Variants in TENM2 observed in about 807,000 individuals in gnomAD.
TENM2 encodes the protein teneurin-2.
TENM2 carries 52 observed loss-of-function variants against 245.2 expected under a neutral mutation model. That is an observed-to-expected ratio of 0.21 (90% confidence interval 0.17 to 0.27). The LOEUF (loss-of-function observed/expected upper bound fraction) is 0.27, where lower values mean the gene tolerates loss of function less well. Ranked by LOEUF, TENM2 falls within the 10% of genes least tolerant of loss-of-function variation. The pLI is 1.00. For synonymous variants in TENM2, 1,363 were observed against 1,438.9 expected (o/e 0.95, Z 1.19); for missense variants, 3,046 against 3,666.8 (o/e 0.83, Z 4.37).
At chr5:167,770,077 T>C (rs1257109592) in intron 2 of TENM2, among the ~76,000 whole-genome samples, 3 of 152,180 alleles carry the variant, frequency 2.0e-5, no homozygotes, top group East Asian at 1.9e-4. Context: ...ACCTAACACA[T>C]TGCATCAGGA....
At chr5:167,748,699 G>A (rs1205532800) in intron 2 of TENM2, among the ~76,000 whole-genome samples, 1 of 152,086 alleles carries the variant, frequency 6.6e-6, no homozygotes, top group South Asian at 2.1e-4. Context: ...ATGACAGAAG[G>A]TGGAGCAGGC....
At chr5:167,250,631 C>A in the TENM2 span, among the ~76,000 whole-genome samples, 1 of 152,126 alleles carries the variant, frequency 6.6e-6, no homozygotes, top group Non-Finnish European at 1.5e-5. Context: ...CAAACTCTTG[C>A]TCTCTGATGT....
chr5:167,265,852 G>GA, the TENM2 span, among the ~76,000 whole-genome samples: 3 of 151,906 alleles, frequency 2.0e-5, no homozygotes, highest in East Asian at 5.8e-4. Flanking sequence ...CATATTTTTG[G>GA]AAAAAATATT....
intron 5 of TENM2, among the ~76,000 whole-genome samples, chr5:168,004,498 TGCACGCATGCGC>T (rs1404512699): frequency 5.3e-4 from 56 of 106,350 alleles, no homozygotes; most frequent in African/African-American, 2.0e-3. Flanking sequence ...CCATTTGGGA[TGCACGCATGCGC>T]GCGCGCGCAC....
exon 22 of TENM2, chr5:168,216,838 T>C: frequency 1.2e-6 from 2 of 1,613,996 alleles, no homozygotes; most frequent in Middle Eastern, 1.6e-4. Context: ...TTGACCAGAA[T>C]GGAATCATCT....
the TENM2 span, among the ~76,000 whole-genome samples, chr5:167,035,593 T>C: frequency 6.6e-6 from 1 of 152,190 alleles, no homozygotes; most frequent in Non-Finnish European, 1.5e-5. Flanking sequence ...TCAGTGACCA[T>C]ATATTGAGAG....
At chr5:167,358,832 CA>C (rs1759514300) in intron 1 of TENM2, among the ~76,000 whole-genome samples, 1 of 148,676 alleles carries the variant, frequency 6.7e-6, no homozygotes, top group African/African-American at 2.5e-5. Flanking sequence ...CACACACACA[CA>C]CACACACACA....
chr5:167,817,578 G>A (rs747464041), intron 2 of TENM2, among the ~76,000 whole-genome samples: 8 of 152,098 alleles, frequency 5.3e-5, no homozygotes, highest in Non-Finnish European at 1.0e-4. Flanking sequence ...TTAACAAACT[G>A]TGAAAAGTAG....
chr5:167,052,578 T>C, the TENM2 span, among the ~76,000 whole-genome samples: 13 of 152,148 alleles, frequency 8.5e-5, no homozygotes, highest in Non-Finnish European at 1.8e-4. Flanking sequence ...AGTGAATTAC[T>C]TAAATTGTTT....
At chr5:167,134,366 G>A in the TENM2 span, among the ~76,000 whole-genome samples, 4 of 152,230 alleles carry the variant, frequency 2.6e-5, no homozygotes, top group Admixed American at 6.5e-5. Flanking sequence ...TTTTTTTGGC[G>A]TGTGTGTAAA....
intron 2 of TENM2, among the ~76,000 whole-genome samples, chr5:167,813,075 A>G (rs1766758506): frequency 6.6e-6 from 1 of 152,164 alleles, no homozygotes; most frequent in African/African-American, 2.4e-5. Context: ...GCTGCTGGAA[A>G]TACAAAGGTT....
In TENM2 at chr5:168,215,221, C is replaced by T. The variant is rs556486842; in HGVS notation, c.4027C>T (p.Arg1343Cys). Residue 1343 changes from arginine (R) to cysteine (C), a missense_variant, in exon 21 of 29, where the codon CGC becomes TGC. Transcript: ENST00000518659. ...GCAGTGTCTACCCTTTGATGAAGCCCGCTGCGGGGATGGAGGGAAGGCCAT... is the reference window on the plus strand; with the variant it reads ...GCAGTGTCTACCCTTTGATGAAGCCTGCTGCGGGGATGGAGGGAAGGCCAT... 31 of 1,613,696 alleles carry T rather than the reference C, an allele frequency of 1.9e-5. No individual in the cohort carries two copies. The highest frequency in any genetic ancestry group is 1.6e-4 in the South Asian group (15 of 91,068).
chr5:167,542,657 G>T (rs1318044980), intron 2 of TENM2, among the ~76,000 whole-genome samples: 1 of 152,110 alleles, frequency 6.6e-6, no homozygotes, highest in Admixed American at 6.5e-5. Context: ...ATACATAAAG[G>T]CATCTCTCAT....
chr5:167,913,189 C>G (rs1776682291), intron 3 of TENM2, among the ~76,000 whole-genome samples: 1 of 152,212 alleles, frequency 6.6e-6, no homozygotes, highest in African/African-American at 2.4e-5. Flanking sequence ...TCTGCATCCA[C>G]CTGCCTCTTC....
At chr5:167,721,500 C>G (rs958723907) in intron 2 of TENM2, 1 of 152,182 alleles carries the variant, frequency 6.6e-6, no homozygotes, top group Admixed American at 6.5e-5. Context: ...ATTCTTTCTT[C>G]GCTTGGATTC....
chr5:167,765,957 A>C (rs1159000191), intron 2 of TENM2, among the ~76,000 whole-genome samples: 4 of 152,132 alleles, frequency 2.6e-5, no homozygotes, highest in Non-Finnish European at 5.9e-5. Flanking sequence ...GACTTTGGGG[A>C]TCAAGCAAAC....
intron 11 of TENM2, among the ~76,000 whole-genome samples, 166 bp from the exon 14 acceptor site, chr5:168,126,588 C>G (rs1192517145): frequency 6.6e-6 from 1 of 152,170 alleles, no homozygotes; most frequent in Non-Finnish European, 1.5e-5. Context: ...AAAAAAAGAT[C>G]TAACAATGAA....
At chr5:167,671,501 C>A (rs1276747256) in intron 2 of TENM2, among the ~76,000 whole-genome samples, 1 of 151,824 alleles carries the variant, frequency 6.6e-6, no homozygotes, top group Non-Finnish European at 1.5e-5. Context: ...TGAGTAAGGC[C>A]CAAGCTGGTA....
intron 3 of TENM2, among the ~76,000 whole-genome samples, chr5:167,929,898 G>GT (rs1262322617): frequency 2.0e-5 from 3 of 152,174 alleles, no homozygotes; most frequent in Non-Finnish European, 4.4e-5. Flanking sequence ...GATAAGAGTT[G>GT]TTGTGCCTCA....
Sources: gnomAD v4.1 joint callset for allele counts (sites outside exome capture counted in the v4.1 genomes callset) on GRCh38, gnomAD v4.1.1 for gene constraint, MANE v1.5 for transcripts, NCBI Gene and HGNC (gene_info 2026-07-23, HGNC 2026-07-21) for gene names.